Variants in COL22A1 observed in about 807,000 individuals in gnomAD.
The protein encoded by COL22A1 is collagen alpha-1(XXII) chain.
A neutral mutation model predicts 248.9 loss-of-function variants in COL22A1; 221 were observed. The ratio of observed to expected loss-of-function variants is 0.89; its 90% CI spans 0.80 to 0.99. The LOEUF (loss-of-function observed/expected upper bound fraction) is 0.99. Ranked by LOEUF, COL22A1 falls within the 50% of genes least tolerant of loss-of-function variation. The pLI, the probability that COL22A1 is intolerant of heterozygous loss-of-function variation, is 0.00. For missense variants in COL22A1, 2,240 were observed against 2,179.0 expected (o/e 1.03, Z -0.56); for synonymous variants, 891 against 793.4 (o/e 1.12, Z -2.07).
intron 6 of COL22A1, 22 bp from the exon 7 acceptor site, chr8:138,821,433 A>T (rs771325730): frequency 6.2e-6 from 10 of 1,604,342 alleles, no homozygotes; most frequent in Non-Finnish European, 7.7e-6. Flanking sequence ...AGGACCAGAG[A>T]CTCCTTGAGC....
At chr8:138,630,609 G>A (rs1043689389) in intron 50 of COL22A1, 86 bp downstream of exon 50, 8 of 1,146,688 alleles carry the variant, frequency 7.0e-6, no homozygotes, top group African/African-American at 1.5e-5. Flanking sequence ...GAGGCACACA[G>A]GACAAGAGCA....
Position 138,703,319 on chromosome 8 carries a change from C to T in COL22A1, c.2546G>A (p.Gly849Glu), listed in dbSNP as rs1185118917. The stretch of plus-strand genomic sequence containing the variant: ...GGAGTAACTTACAGTTCCAGGTAAC[C>T]CGGGAGGGCCTGCAGGACCAGCTTC... ...KGEAGPAGPP[G>E]LPGTTSLFTP... Residue 849 changes from glycine (G) to glutamate (E), a missense_variant, in exon 31 of 65, where the codon GGG becomes GAG. Transcript: ENST00000303045. 1.2e-6 allele frequency: 2 copies of T among 1,613,584 alleles called. No individual in the cohort carries two copies. The highest frequency in any genetic ancestry group is 1.7e-6 in the Non-Finnish European group (2 of 1,179,770).
In COL22A1 at chr8:138,877,755, C is replaced by T. The variant is rs1295422019; in HGVS notation, c.653G>A (p.Cys218Tyr). 2 of 1,579,524 alleles carry T rather than the reference C, an allele frequency of 1.3e-6. No homozygotes were observed. The highest frequency in any genetic ancestry group is 1.7e-6 in the Non-Finnish European group (2 of 1,161,012). ...KIRGKLRRRL[C>Y]ENVLCPSVRV... ...TGGGGCCCGGGCGCACTCACTTTCA[C>T]AAAGACGGCGCCGCAGCTTGCCCCG... The change falls in exon 3 of 65, where the codon TGT (cysteine) becomes TAT (tyrosine). Residue 218 changes from cysteine to tyrosine, a missense_variant. Cys to Tyr is a radical substitution (Grantham distance 194). Transcript: ENST00000303045.
At chr8:138,812,057 G>T in intron 8 of COL22A1, 136 bp from the exon 9 acceptor site, 2 of 1,086,928 alleles carry the variant, frequency 1.8e-6, no homozygotes, top group Non-Finnish European at 2.6e-6. Context: ...CTCTCCTGAG[G>T]CCTTGGGGCA....
intron 16 of COL22A1, among the ~76,000 whole-genome samples, chr8:138,774,562 G>C (rs1004734445): frequency 9.9e-5 from 15 of 151,946 alleles, no homozygotes; most frequent in African/African-American, 3.6e-4. Flanking sequence ...GGGACTACAG[G>C]CGCCCGCCAC....
At position 138,681,067 on chromosome 8, in the gene COL22A1, T is replaced by C. The variant is rs553470376; in HGVS notation, c.3013-1391A>G. Among the ~76,000 whole-genome samples, 9 of 152,296 alleles carry C rather than the reference T, an allele frequency of 5.9e-5. No homozygotes were observed. In the South Asian group the frequency reaches 1.9e-3, roughly 32 times the overall value. On this transcript the variant is annotated intron_variant, in intron 39 of 64. Transcript: ENST00000303045. ...CCCTAGGCTTCCTCCAACAACTGCA[T>C]GCCTGCAGAGATAAACCCCTGCCTT...
chr8:138,622,957 A>G (rs771336384), intron 52 of COL22A1, among the ~76,000 whole-genome samples: 1 of 151,970 alleles, frequency 6.6e-6, no homozygotes, highest in Non-Finnish European at 1.5e-5. Context: ...CTTTGGGAAG[A>G]CCTAAGAGGT....
chr8:138,893,612 A>G (rs922908806), intron 1 of COL22A1, among the ~76,000 whole-genome samples: 1 of 152,250 alleles, frequency 6.6e-6, no homozygotes, highest in East Asian at 1.9e-4. Flanking sequence ...GATCATTTTT[A>G]TAAAGTAAAA....
At chr8:138,904,662 T>C (rs1266801306) in intron 1 of COL22A1, among the ~76,000 whole-genome samples, 1 of 152,162 alleles carries the variant, frequency 6.6e-6, no homozygotes, top group African/African-American at 2.4e-5. Context: ...TCAGTTCATT[T>C]CACAAGAAAT....
At position 138,840,557 on chromosome 8, in the gene COL22A1, A is replaced by ACACACG. The variant is rs1354847855; in HGVS notation, c.733+3526_733+3527insCGTGTG. ...AGTACACACACACACACACACACAC[A>ACACACG]CGCGCTCCTGAATCTTCCCAGCAAG... On this transcript the variant is annotated intron_variant, in intron 4 of 64. Transcript: ENST00000303045. Among the ~76,000 whole-genome samples, 8 of 150,786 alleles carry ACACACG rather than the reference A, an allele frequency of 5.3e-5. No individual in the cohort carries two copies. The East Asian group carries it at 5.9e-4, about 11-fold the overall frequency.
At chr8:138,722,730 C>G (rs747460045) in intron 25 of COL22A1, among the ~76,000 whole-genome samples, 2 of 151,968 alleles carry the variant, frequency 1.3e-5, no homozygotes, top group Admixed American at 6.6e-5. Context: ...GGTCACAGAG[C>G]TGGTGACTGG....
rs200631977 is a variant in COL22A1, at chr8:138,616,933, G to A, written c.3851C>T (p.Ser1284Phe). Reference protein sequence around the residue: ...PPGFKGHTGDSGAPGPRGESG... With the variant: ...PPGFKGHTGDFGAPGPRGESG... Reference sequence around the variant, plus strand: ...ACTTACCCGGGGACCGGGTGCACCAGAATCGCCTGTGTGTCCCTTGAAGCC... The same window carrying A: ...ACTTACCCGGGGACCGGGTGCACCAAAATCGCCTGTGTGTCCCTTGAAGCC... Residue 1284 changes from serine to phenylalanine, a missense_variant, in exon 54 of 65, where the codon TCT (serine) becomes TTT (phenylalanine). Physicochemically the swap from Ser to Phe is radical, Grantham distance 155. Transcript: ENST00000303045. 1.2e-6 allele frequency: 2 copies of A among 1,614,060 alleles called. No individual in the cohort carries two copies. The highest frequency in any genetic ancestry group is 1.3e-5 in the African/African-American group (1 of 74,950).
At position 138,845,834 on chromosome 8, in the gene COL22A1, C is replaced by A. The variant is rs1821204847; in HGVS notation, c.659-1676G>T. On this transcript the variant is annotated intron_variant, in intron 3 of 64. Coordinates refer to ENST00000303045, the MANE Select transcript of COL22A1 (RefSeq NM_152888.3). ...TCTGTATTCTCATAAATTTAGCACC[C>A]AAAGCACCTCACTTATCTCCCTGAA... is the stretch of plus-strand genomic sequence containing the variant. Among the ~76,000 whole-genome samples the A allele has an allele frequency of 2.0e-5, 3 of 152,196 alleles. No individual in the cohort carries two copies. The South Asian group carries it at 6.2e-4, about 32-fold the overall frequency.
intron 59 of COL22A1, among the ~76,000 whole-genome samples, chr8:138,603,085 G>A (rs1237020666): frequency 6.6e-6 from 1 of 152,218 alleles, no homozygotes; most frequent in Admixed American, 6.5e-5. Context: ...AAGTCAAAGA[G>A]AGTACTCTTG....
At chr8:138,674,648 CGCCTCCACA>C (rs1266446155) in intron 41 of COL22A1, among the ~76,000 whole-genome samples, 1 of 152,044 alleles carries the variant, frequency 6.6e-6, no homozygotes, top group Non-Finnish European at 1.5e-5. Context: ...GAATTGTGTC[CGCCTCCACA>C]GCCAGCTTTC....
At chr8:138,736,695 G>A (rs1381197755) in intron 23 of COL22A1, among the ~76,000 whole-genome samples, 1 of 152,132 alleles carries the variant, frequency 6.6e-6, no homozygotes, top group African/African-American at 2.4e-5. Flanking sequence ...GAGGACAGAG[G>A]AAGCTACACC....
intron 19 of COL22A1, 52 bp downstream of exon 19, chr8:138,755,733 C>A (rs1832942935): frequency 6.3e-7 from 1 of 1,584,354 alleles, no homozygotes; most frequent in Non-Finnish European, 8.7e-7. Flanking sequence ...CTCATCCAAC[C>A]ACCCAATCCC....
chr8:138,822,885 C>T (rs1204290850), intron 6 of COL22A1, among the ~76,000 whole-genome samples: 1 of 152,234 alleles, frequency 6.6e-6, no homozygotes, highest in Non-Finnish European at 1.5e-5. Context: ...CGTTCCCCTG[C>T]CTATCCAGGC....
At chr8:138,636,718 G>A in intron 48 of COL22A1, 24 bp downstream of exon 48, 1 of 1,589,920 alleles carries the variant, frequency 6.3e-7, no homozygotes, top group Non-Finnish European at 8.6e-7. Context: ...AGGGTGAATG[G>A]TTCCTTATAA....
Sources: allele counts gnomAD v4.1 joint callset (sites outside exome capture counted in the v4.1 genomes callset), GRCh38; gene constraint gnomAD v4.1.1; transcripts MANE v1.5; gene names NCBI Gene and HGNC (gene_info 2026-07-23, HGNC 2026-07-21).